The following CPLANE1 variants were observed in gnomAD, a reference collection of about 807,000 sequenced individuals.
The protein encoded by CPLANE1 is ciliogenesis and planar polarity effector complex subunit 1.
A neutral mutation model predicts 362.5 loss-of-function variants in CPLANE1; 263 were observed. The ratio of observed to expected loss-of-function variants is 0.73; its 90% CI spans 0.66 to 0.80. The LOEUF (loss-of-function observed/expected upper bound fraction) is 0.80. CPLANE1 is among the 30% of genes least tolerant of loss of function. The pLI is 0.00. For missense variants in CPLANE1, 3,461 were observed against 3,793.4 expected (o/e 0.91, Z 2.30); for synonymous variants, 1,212 against 1,302.6 (o/e 0.93, Z 1.50).
intron 46 of CPLANE1, among the ~76,000 whole-genome samples, chr5:37,128,229 C>A (rs1764782029): frequency 6.6e-6 from 1 of 151,968 alleles, no homozygotes; most frequent in Non-Finnish European, 1.5e-5. Flanking sequence ...TATTCTTTAT[C>A]CTGCTAAATA....
chr5:37,110,697 T>C (rs1758926846), intron 51 of CPLANE1, among the ~76,000 whole-genome samples: 1 of 152,128 alleles, frequency 6.6e-6, no homozygotes, highest in South Asian at 2.1e-4. Context: ...GGAGAAACCA[T>C]TATTATCCCC....
chr5:37,172,365 G>A (rs1027122507), intron 32 of CPLANE1, among the ~76,000 whole-genome samples: 2 of 152,114 alleles, frequency 1.3e-5, no homozygotes, highest in African/African-American at 4.8e-5. Context: ...AAATTCAAGA[G>A]GGCATAGTAA....
At chr5:37,200,491 CA>C (rs1335641500) in intron 19 of CPLANE1, among the ~76,000 whole-genome samples, 2 of 151,962 alleles carry the variant, frequency 1.3e-5, no homozygotes, top group African/African-American at 4.8e-5. Context: ...GTAAAATCAA[CA>C]AGTAAAATGT....
chr5:37,235,152 G>T (rs551671738), intron 8 of CPLANE1, among the ~76,000 whole-genome samples: 1 of 152,202 alleles, frequency 6.6e-6, no homozygotes, highest in South Asian at 2.1e-4. Context: ...TTAACAAGAT[G>T]AATATACAGA....
the CPLANE1 span, among the ~76,000 whole-genome samples, chr5:37,096,946 T>C: frequency 3.3e-5 from 5 of 152,260 alleles, no homozygotes; most frequent in African/African-American, 9.6e-5. Context: ...GGAACACTTC[T>C]ACACTGCTGG....
the CPLANE1 span, among the ~76,000 whole-genome samples, chr5:37,077,736 C>A: frequency 5.7e-3 from 866 of 151,560 alleles, 4 homozygotes; most frequent in South Asian, 0.015. Flanking sequence ...ACCTCAGCCT[C>A]CCAAGTAGCT....
the CPLANE1 span, among the ~76,000 whole-genome samples, chr5:37,080,347 C>A: frequency 6.6e-6 from 1 of 152,078 alleles, no homozygotes; most frequent in African/African-American, 2.4e-5. Flanking sequence ...CTGAGCTGAG[C>A]GGGGAGAGAT....
chr5:37,239,696 GAC>G lies in CPLANE1; in HGVS notation c.834+15_834+16del. ...CCTTCTTTTATAGATTACTTTCTAA[GAC>G]AGATATTTACTGACCTTGGGGTCTT... On this transcript the variant is annotated intron_variant, in intron 7 of 52. Transcript: ENST00000651892. The G allele has an allele frequency of 2.8e-6, 4 of 1,426,842 alleles. No individual in the cohort carries two copies. The highest frequency in any genetic ancestry group is 2.8e-6 in the Non-Finnish European group (3 of 1,079,420). The allele number at this position is 1,426,842 out of a possible 1,614,324, so 88.4% of individuals were successfully genotyped here. A position where few individuals can be genotyped will look rare whatever the true frequency, so the allele number is the denominator to read the frequency against.
intron 49 of CPLANE1, 23 bp downstream of exon 49, chr5:37,121,594 T>C: frequency 6.2e-7 from 1 of 1,610,782 alleles, no homozygotes; most frequent in Non-Finnish European, 8.5e-7. Flanking sequence ...TCTTGCCAAA[T>C]GGCATGTGAA....
chr5:37,141,338 A>T, intron 44 of CPLANE1: 2 of 985,406 alleles, frequency 2.0e-6, no homozygotes, highest in South Asian at 9.4e-5. Flanking sequence ...CTCATTTGTC[A>T]ATCCTCCCCA....
chr5:37,204,013 TATTTTATCTAGAAACAC>T (rs1321476112), intron 18 of CPLANE1, among the ~76,000 whole-genome samples: 2 of 152,334 alleles, frequency 1.3e-5, no homozygotes, highest in East Asian at 3.9e-4. Context: ...ATATTTTTTG[TATTTTATCTAGAAACAC>T]ATTTTATCTA....
intron 50 of CPLANE1, among the ~76,000 whole-genome samples, chr5:37,115,597 CTTTTTT>C (rs202050168): frequency 7.2e-5 from 9 of 124,664 alleles, no homozygotes; most frequent in African/African-American, 2.8e-4. Flanking sequence ...ACTTTTATTT[CTTTTTT>C]TTTTTTTTTT....
chr5:37,232,093 G>T (rs1797844874), intron 8 of CPLANE1, among the ~76,000 whole-genome samples: 1 of 152,172 alleles, frequency 6.6e-6, no homozygotes, highest in African/African-American at 2.4e-5. Flanking sequence ...GAAGTTAGAA[G>T]CTGTAAGAGG....
chr5:37,136,576 G>T (rs1230593463), intron 46 of CPLANE1, among the ~76,000 whole-genome samples: 5 of 152,230 alleles, frequency 3.3e-5, no homozygotes, highest in Admixed American at 1.3e-4. Flanking sequence ...AAGGGAATTT[G>T]TGTGGGGGCT....
intron 46 of CPLANE1, among the ~76,000 whole-genome samples, chr5:37,132,965 G>A (rs1428596282): frequency 1.3e-5 from 2 of 152,112 alleles, no homozygotes; most frequent in Admixed American, 1.3e-4. Flanking sequence ...TGAAAGGTAG[G>A]GGTCCAGTTT....
rs1357023154 is a variant in CPLANE1 at position 37,194,149 on chromosome 5, C to G, written c.3811+1709G>C. On this transcript the variant is annotated intron_variant, in intron 21 of 52. Transcript: ENST00000651892. ...ATGCTGGCCAGGCTGGTCTCGAACT[C>G]CTGACCTTGTGATCCGCCCAACTCA... 2.6e-5 allele frequency among the ~76,000 whole-genome samples: 4 copies of G among 151,954 alleles called. No homozygotes were observed. In the East Asian group the frequency reaches 5.8e-4, roughly 22 times the overall value.
Position 37,121,645 on chromosome 5 carries a change from TG to T in CPLANE1, c.9156del (p.Ser3053ValfsTer19). ...LPNKPSPTQSSSCQHCPSPRG... is the reference protein window; with the variant it reads ...LPNKPSPTQSXSCQHCPSPRG... ...CTTGGAGAAGGGCAGTGTTGACAAC[TG>T]GAAGACTGAGTAGGGCTGGGTTTGT... is the stretch of plus-strand genomic sequence containing the variant. On this transcript the variant is annotated frameshift_variant, in exon 49 of 53. Coordinates refer to ENST00000651892, the MANE Select transcript of CPLANE1 (RefSeq NM_001384732.1). LOFTEE classifies it high-confidence loss of function. 6.2e-7 allele frequency: 1 copy of T among 1,614,178 alleles called. No homozygotes were observed.
chr5:37,102,336 C>T (rs896754160), downstream of CPLANE1, among the ~76,000 whole-genome samples: 1 of 152,048 alleles, frequency 6.6e-6, no homozygotes, highest in Non-Finnish European at 1.5e-5. Context: ...TACAGGCTTG[C>T]ACCATCATGA....
rs1429486656 is a variant in CPLANE1, at chr5:37,212,290, A to G, written c.2920+1269T>C. On this transcript the variant is annotated intron_variant, in intron 16 of 52. Coordinates refer to ENST00000651892, the MANE Select transcript of CPLANE1 (RefSeq NM_001384732.1). ...GATAAGAGCTCAAAAAAGATGGTCC[A>G]GGAAGGCTCCCTAGTGGACACACTG... 5.3e-5 allele frequency: 60 copies of G among 1,137,558 alleles called. No homozygotes were observed. In the Middle Eastern group the frequency reaches 5.8e-4, roughly 11 times the overall value. 70.5% of individuals were successfully genotyped at this position (1,137,558 alleles called of 1,614,324 possible).
Sources: allele counts gnomAD v4.1 joint callset (sites outside exome capture counted in the v4.1 genomes callset), GRCh38; gene constraint gnomAD v4.1.1; transcripts MANE v1.5; gene names NCBI Gene and HGNC (gene_info 2026-07-23, HGNC 2026-07-21).